CNTNAP4: variants seen among roughly 807,000 people sequenced by gnomAD.
CNTNAP4 encodes the protein contactin associated protein family member 4, also known as contactin-associated protein-like 4.
Under a neutral mutation model 148.4 loss-of-function variants are expected in CNTNAP4, and 98 were observed. The ratio of observed to expected loss-of-function variants is 0.66; its 90% CI spans 0.56 to 0.78. The LOEUF is 0.78. Ranked by LOEUF, CNTNAP4 falls within the 30% of genes least tolerant of loss-of-function variation. The pLI is 0.00. For missense variants in CNTNAP4, 1,935 were observed against 1,565.6 expected (o/e 1.24, Z -3.98); for synonymous variants, 730 against 565.1 (o/e 1.29, Z -4.14).
Position 76,553,432 on chromosome 16 carries a change from A to C in CNTNAP4, c.3592A>C (p.Thr1198Pro). The C allele has an allele frequency of 6.2e-7, 1 of 1,612,808 alleles. No homozygotes were observed. Among genetic ancestry groups the C allele is most frequent in the Non-Finnish European group, 8.5e-7 (1 of 1,179,442 alleles). Reference sequence around the variant, plus strand: ...CCCTGTCACTGTTACAGGACACGTGACTGAGTCCAGCTGTATGGCCCAGCC... The same window carrying C: ...CCCTGTCACTGTTACAGGACACGTGCCTGAGTCCAGCTGTATGGCCCAGCC... Reference protein sequence around the residue: ...PDPVTVTGHVTESSCMAQPGT... With the variant: ...PDPVTVTGHVPESSCMAQPGT... Residue 1198 changes from threonine to proline, a missense_variant, in exon 22 of 24, where the codon ACT (threonine) becomes CCT (proline). Coordinates refer to ENST00000611870, the MANE Select transcript of CNTNAP4 (RefSeq NM_033401.5).
At chr16:76,487,164 G>C (rs777926200) in intron 12 of CNTNAP4, among the ~76,000 whole-genome samples, 29 of 152,188 alleles carry the variant, frequency 1.9e-4, no homozygotes, top group Non-Finnish European at 3.7e-4. Flanking sequence ...TTATATAACA[G>C]CTCAAAGCAA....
intron 1 of CNTNAP4, among the ~76,000 whole-genome samples, chr16:76,278,703 C>G (rs180953068): frequency 6.6e-6 from 1 of 152,312 alleles, no homozygotes; most frequent in East Asian, 1.9e-4. Flanking sequence ...TTTCCAAGAA[C>G]TGGCTATGAG....
At chr16:76,471,708 T>C (rs1423870438) in intron 10 of CNTNAP4, among the ~76,000 whole-genome samples, 1 of 152,174 alleles carries the variant, frequency 6.6e-6, no homozygotes, top group Non-Finnish European at 1.5e-5. Context: ...CACACAGGGT[T>C]TATTCCAGTT....
intron 15 of CNTNAP4, among the ~76,000 whole-genome samples, chr16:76,517,918 C>A (rs2083309799): frequency 6.6e-6 from 1 of 152,042 alleles, no homozygotes; most frequent in Admixed American, 6.6e-5. Context: ...AAATGTTTAG[C>A]AAAATAAATT....
At chr16:76,298,455 A>G (rs944088908) in intron 1 of CNTNAP4, among the ~76,000 whole-genome samples, 2 of 150,926 alleles carry the variant, frequency 1.3e-5, no homozygotes, top group Non-Finnish European at 2.9e-5. Context: ...GGATTACCCC[A>G]TTCATTGTGT....
chr16:76,297,191 C>T (rs996579743), intron 1 of CNTNAP4, among the ~76,000 whole-genome samples: 1 of 152,174 alleles, frequency 6.6e-6, no homozygotes, highest in African/African-American at 2.4e-5. Context: ...ATTGATGGCA[C>T]TGTTTAGCTA....
chr16:76,368,512 G>A (rs962409347), intron 3 of CNTNAP4, among the ~76,000 whole-genome samples: 2 of 152,126 alleles, frequency 1.3e-5, no homozygotes, highest in Non-Finnish European at 2.9e-5. Context: ...ATGAGTTCAT[G>A]TCCTTTGCAG....
chr16:76,516,732 A>G (rs963084019), intron 15 of CNTNAP4, among the ~76,000 whole-genome samples: 5 of 152,236 alleles, frequency 3.3e-5, no homozygotes, highest in Non-Finnish European at 1.5e-5. Context: ...GAAAGAGATG[A>G]ACTATTGATA....
intron 4 of CNTNAP4, among the ~76,000 whole-genome samples, chr16:76,444,162 G>A (rs886087140): frequency 1.3e-5 from 2 of 152,132 alleles, no homozygotes; most frequent in Non-Finnish European, 2.9e-5. Flanking sequence ...AGATACGCAA[G>A]AAGTTAATAT....
At chr16:76,437,566 G>A (rs1321747106) in intron 4 of CNTNAP4, among the ~76,000 whole-genome samples, 4 of 151,974 alleles carry the variant, frequency 2.6e-5, no homozygotes, top group African/African-American at 2.4e-5. Context: ...AATTAAGTAT[G>A]TTTGAATGAA....
At chr16:76,525,759 A>AT (rs2083702567) in intron 17 of CNTNAP4, among the ~76,000 whole-genome samples, 1 of 144,982 alleles carries the variant, frequency 6.9e-6, no homozygotes, top group Non-Finnish European at 1.5e-5. Flanking sequence ...TATAGCTTAT[A>AT]TATAAACAGT....
chr16:76,553,789 T>G, intron 22 of CNTNAP4, 47 bp from the exon 23 acceptor site: 1 of 1,237,632 alleles, frequency 8.1e-7, no homozygotes, highest in Non-Finnish European at 1.2e-6. Context: ...AATTTCTTCT[T>G]TTACTTGCCT....
intron 3 of CNTNAP4, among the ~76,000 whole-genome samples, chr16:76,362,730 T>G (rs1449183858): frequency 6.6e-6 from 1 of 151,786 alleles, no homozygotes; most frequent in Non-Finnish European, 1.5e-5. Context: ...AAGGGAAGAG[T>G]ACACACCAGA....
chr16:76,390,364 A>G (rs1597396095), intron 3 of CNTNAP4, among the ~76,000 whole-genome samples: 3 of 152,302 alleles, frequency 2.0e-5, no homozygotes, highest in East Asian at 1.9e-4. Context: ...TCCTTGCCTT[A>G]GAGGCCTGTG....
chr16:76,463,739 G>A (rs1158417126), intron 9 of CNTNAP4, among the ~76,000 whole-genome samples: 1 of 152,104 alleles, frequency 6.6e-6, no homozygotes, highest in Non-Finnish European at 1.5e-5. Context: ...GATGATCAAT[G>A]CATGTCTGTC....
At chr16:76,494,880 G>T (rs367564658) in intron 13 of CNTNAP4, 30 bp from the exon 14 acceptor site, 11 of 1,607,574 alleles carry the variant, frequency 6.8e-6, no homozygotes, top group Admixed American at 5.1e-5. Context: ...ACATAAAACA[G>T]ATGTCACATT....
At position 76,277,607 on chromosome 16, in the gene CNTNAP4, C is replaced by G; in HGVS notation, c.-56C>G. 2.4e-6 allele frequency: 3 copies of G among 1,232,070 alleles called. No homozygotes were observed. The highest frequency in any genetic ancestry group is 3.5e-6 in the Non-Finnish European group (3 of 854,078). 76.3% of individuals were successfully genotyped at this position (1,232,070 alleles called of 1,614,324 possible). Reference sequence around the variant, plus strand: ...GCTGGCAGAGCTACTGAGAAGAGGACTGGAGCGCTCTGAGAGCCTCTCAAG... The same window carrying G: ...GCTGGCAGAGCTACTGAGAAGAGGAGTGGAGCGCTCTGAGAGCCTCTCAAG... On this transcript the variant is annotated 5_prime_UTR_variant, in exon 1 of 24. Transcript: ENST00000611870.
chr16:76,433,478 A>T (rs1054758749), intron 4 of CNTNAP4, among the ~76,000 whole-genome samples: 1 of 152,198 alleles, frequency 6.6e-6, no homozygotes, highest in African/African-American at 2.4e-5. Flanking sequence ...TATTTAAAAA[A>T]ATTCCAATTT....
intron 2 of CNTNAP4, among the ~76,000 whole-genome samples, chr16:76,333,840 T>C (rs531082599): frequency 6.7e-6 from 1 of 149,004 alleles, no homozygotes; most frequent in South Asian, 2.1e-4. Flanking sequence ...AGCCTATTCT[T>C]CCACAATGGT....
Sources: allele counts gnomAD v4.1 joint callset (sites outside exome capture counted in the v4.1 genomes callset), GRCh38; gene constraint gnomAD v4.1.1; transcripts MANE v1.5; gene names NCBI Gene and HGNC (gene_info 2026-07-23, HGNC 2026-07-21).